BMX: variants seen among roughly 807,000 people sequenced by gnomAD.
The protein encoded by BMX is cytoplasmic tyrosine-protein kinase BMX.
A neutral mutation model predicts 59.2 loss-of-function variants in BMX; 31 were observed. That is an observed-to-expected ratio of 0.52 (90% CI 0.39 to 0.71). BMX has a LOEUF of 0.71. BMX is among the 30% of genes least tolerant of loss of function. The pLI, the probability that BMX is intolerant of heterozygous loss-of-function variation, is 0.00. For missense variants in BMX, 474 were observed against 491.7 expected, an observed-to-expected ratio of 0.96 and a Z score of 0.34; for synonymous variants, 185 against 181.0, an observed-to-expected ratio of 1.02 and a Z score of -0.18.
At chrX:15,525,111 G>GC (rs1396119132) in intron 7 of BMX, among the ~76,000 whole-genome samples, 177 bp from the exon 8 acceptor site, 1 of 112,149 alleles carries the variant, frequency 8.9e-6, no homozygotes, top group Non-Finnish European at 1.9e-5. Flanking sequence ...TTATTGGAAT[G>GC]CCTGAAAGAA....
At chrX:15,518,339 T>A (rs1326427579) in intron 6 of BMX, among the ~76,000 whole-genome samples, 1 of 111,328 alleles carries the variant, frequency 9.0e-6, no homozygotes, top group Non-Finnish European at 1.9e-5. Flanking sequence ...CATTCTTTCC[T>A]TACCATCAAC....
At chrX:15,515,848 T>C (rs774424350) in intron 4 of BMX, among the ~76,000 whole-genome samples, 1 of 112,328 alleles carries the variant, frequency 8.9e-6, no homozygotes, top group South Asian at 3.7e-4. Context: ...CTGATCTGTA[T>C]ATGCATTTTA....
At position 15,525,371 on chromosome X, in the gene BMX, T is replaced by A. The variant is rs768292995; in HGVS notation, c.830+6T>A. 1 of 1,196,854 alleles carries A rather than the reference T, an allele frequency of 8.4e-7. No individual in the cohort carries two copies. The highest frequency in any genetic ancestry group is 2.2e-5 in the Admixed American group (1 of 45,608). On this transcript the variant is annotated splice_donor_region_variant and intron_variant, in intron 8 of 18. Transcript: ENST00000348343. ...ACCACCTCAAAGATTTCATGGTAAA[T>A]CAAATTCAGATATCTCCTACATCCA...
chrX:15,508,402 C>G lies in BMX; in HGVS notation c.49C>G (p.Gln17Glu). ...AGAACTTCTTCTCAAAAGATCACAG[C>G]AAAAGAAGAAAATGTCACCAAATAA... ...LEELLLKRSQ[Q>E]KKKMSPNNYK... The change falls in exon 2 of 19, where the codon CAA (glutamine) becomes GAA (glutamate). Residue 17 changes from glutamine to glutamate, a missense_variant. Coordinates refer to ENST00000348343, the MANE Select transcript of BMX (RefSeq NM_203281.3). 1 of 1,176,572 alleles carries G rather than the reference C, an allele frequency of 8.5e-7. No individual in the cohort carries two copies. The highest frequency in any genetic ancestry group is 1.1e-6 in the Non-Finnish European group (1 of 870,633).
chrX:15,522,734 G>A, intron 7 of BMX, 147 bp downstream of exon 7: 7 of 861,096 alleles, frequency 8.1e-6, no homozygotes, highest in Non-Finnish European at 1.1e-5. Flanking sequence ...GTCTGGGGAA[G>A]CAGTGGCCCC....
chrX:15,525,589 T>C (rs1020515435), intron 8 of BMX, among the ~76,000 whole-genome samples: 8 of 111,852 alleles, frequency 7.2e-5, no homozygotes, highest in African/African-American at 2.3e-4. Flanking sequence ...ACACCAGTAG[T>C]AGCACCAACA....
chrX:15,537,090 G>C (rs1255599213), intron 13 of BMX, 44 bp from the exon 14 acceptor site: 1 of 1,195,506 alleles, frequency 8.4e-7, no homozygotes, highest in Non-Finnish European at 1.1e-6. Flanking sequence ...TAGCCCCAAA[G>C]CTTTCTATGC....
intron 4 of BMX, 68 bp downstream of exon 4, chrX:15,511,586 A>C: frequency 1.1e-6 from 1 of 883,759 alleles, no homozygotes; most frequent in Non-Finnish European, 1.6e-6. Context: ...TCGTTTTTTG[A>C]GGCTTGGTGG....
intron 7 of BMX, among the ~76,000 whole-genome samples, chrX:15,524,141 T>A (rs954061172): frequency 8.9e-6 from 1 of 112,120 alleles, no homozygotes; most frequent in South Asian, 3.7e-4. Flanking sequence ...CATTAAATCA[T>A]TCAAATATTA....
In BMX at chrX:15,522,093, GCAAA is replaced by G. The variant is rs369153400; in HGVS notation, c.511-248_511-245del. ...TGCACATCCAGATTTACTAGATTCT[GCAAA>G]CAAATTTCCAATGTTGTTGTACCAC... is the stretch of plus-strand genomic sequence containing the variant. On this transcript the variant is annotated intron_variant, in intron 6 of 18. Coordinates refer to ENST00000348343, the MANE Select transcript of BMX (RefSeq NM_203281.3). Among the ~76,000 whole-genome samples, 167 of 111,071 alleles carry G rather than the reference GCAAA, an allele frequency of 1.5e-3. 1 individual carries two copies. The highest frequency in any genetic ancestry group is 5.2e-3 in the African/African-American group (158 of 30,541).
At chrX:15,533,393 T>G (rs781046461) in intron 11 of BMX, among the ~76,000 whole-genome samples, 2 of 111,906 alleles carry the variant, frequency 1.8e-5, no homozygotes. Context: ...TTCCTCTATG[T>G]GTCCATGTGT....
intron 5 of BMX, among the ~76,000 whole-genome samples, chrX:15,516,824 C>G (rs776293854): frequency 9.0e-6 from 1 of 111,329 alleles, no homozygotes; most frequent in African/African-American, 3.3e-5. Context: ...GGCTGCTTTA[C>G]GTGAAATCAG....
intron 18 of BMX, among the ~76,000 whole-genome samples, chrX:15,550,535 T>C (rs997668613): frequency 9.1e-6 from 1 of 110,464 alleles, no homozygotes; most frequent in Non-Finnish European, 1.9e-5. Context: ...TAAGGGTATC[T>C]TATGGGGAAG....
At chrX:15,514,840 G>A (rs1412409325) in intron 4 of BMX, among the ~76,000 whole-genome samples, 1 of 111,185 alleles carries the variant, frequency 9.0e-6, no homozygotes, top group Non-Finnish European at 1.9e-5. Flanking sequence ...TAAATTAAGG[G>A]AAACTAAGTG....
At chrX:15,510,245 A>C (rs778527722) in intron 3 of BMX, among the ~76,000 whole-genome samples, 173 of 111,607 alleles carry the variant, frequency 1.6e-3, no homozygotes, top group South Asian at 7.2e-3. Context: ...ATAGCATAAA[A>C]TCTTACATTT....
Position 15,525,898 on chromosome X carries a change from T to C in BMX, c.831-144T>C, listed in dbSNP as rs866335014. On this transcript the variant is annotated intron_variant, in intron 8 of 18. Transcript: ENST00000348343. Reference sequence around the variant, plus strand: ...CTTTACTGTTGCTGTGTTGATACTTTGCCAGGTGCAGAAGGAGAAACCTAA... The same window carrying C: ...CTTTACTGTTGCTGTGTTGATACTTCGCCAGGTGCAGAAGGAGAAACCTAA... 1.2e-4 allele frequency: 55 copies of C among 475,055 alleles called. 2 individuals carry two copies. The Middle Eastern group carries it at 0.018, about 151-fold the overall frequency. The allele number at this position is 475,055 out of a possible 1,213,427, so 39.1% of individuals were successfully genotyped here. A position where few individuals can be genotyped will look rare whatever the true frequency, so the allele number is the denominator to read the frequency against.
rs372756198 is a variant in BMX, at chrX:15,507,385, A to T, written c.-9-960A>T. 32 of 753,011 alleles carry T rather than the reference A, an allele frequency of 4.2e-5. No homozygotes were observed. In the East Asian group the frequency reaches 2.9e-3, roughly 67 times the overall value. 62.1% of individuals were successfully genotyped at this position (753,011 alleles called of 1,213,427 possible). The stretch of plus-strand genomic sequence containing the variant: ...GAGTCAAAGTTAAGGACCCACATGT[A>T]TACTTCGGCTCTAGCGAGTCTAAGG... On this transcript the variant is annotated intron_variant, in intron 1 of 18. Coordinates refer to ENST00000348343, the MANE Select transcript of BMX (RefSeq NM_203281.3).
intron 16 of BMX, among the ~76,000 whole-genome samples, chrX:15,544,661 G>C (rs187475764): frequency 9.0e-6 from 1 of 111,270 alleles, no homozygotes; most frequent in Admixed American, 9.6e-5. Context: ...ATGAAGCTCT[G>C]TGGCCACATC....
chrX:15,549,841 G>T lies in BMX; in HGVS notation c.1797G>T (p.Gly599=), dbSNP rs754616916. 8.3e-7 allele frequency: 1 copy of T among 1,205,339 alleles called. No homozygotes were observed. The highest frequency in any genetic ancestry group is 1.1e-6 in the Non-Finnish European group (1 of 892,021). Residue 599 remains glycine (G), a splice_region_variant and synonymous_variant, in exon 18 of 19, where the codon GGG becomes GGT. Coordinates refer to ENST00000348343, the MANE Select transcript of BMX (RefSeq NM_203281.3). ...GGGCCACCTCTTGGTGTGGTGCAGG[G>T]ATCCTGATGTGGGAGGTGTTCAGCC... The part of the protein sequence containing the change: ...YSSKSDVWAF[G]ILMWEVFSLG...
Sources: gnomAD v4.1 joint callset for allele counts (sites outside exome capture counted in the v4.1 genomes callset) on GRCh38, gnomAD v4.1.1 for gene constraint, MANE v1.5 for transcripts, NCBI Gene and HGNC (gene_info 2026-07-23, HGNC 2026-07-21) for gene names.